Variants in PLSCR1 observed in about 807,000 individuals in gnomAD.
The protein encoded by PLSCR1 is phospholipid scramblase 1, also known as PL scramblase 1.
A neutral mutation model predicts 37.8 loss-of-function variants in PLSCR1; 17 were observed. That is an observed-to-expected ratio of 0.45 (90% CI 0.31 to 0.68). The LOEUF (loss-of-function observed/expected upper bound fraction) is 0.68, where lower values mean the gene tolerates loss of function less well. PLSCR1 is among the 30% of genes least tolerant of loss of function. The pLI, the probability that PLSCR1 is intolerant of heterozygous loss-of-function variation, is 0.06. For missense variants in PLSCR1, 347 were observed against 380.9 expected, an observed-to-expected ratio of 0.91 and a Z score of 0.74; for synonymous variants, 116 against 125.9, an observed-to-expected ratio of 0.92 and a Z score of 0.53.
In PLSCR1 at chr3:146,515,624, T is replaced by C. The variant is rs1198056636; in HGVS notation, c.*421A>G. 6.5e-6 allele frequency: 1 copy of C among 152,768 alleles called. No homozygotes were observed. Among genetic ancestry groups the C allele is most frequent in the Non-Finnish European group, 1.5e-5 (1 of 68,524 alleles). The allele number at this position is 152,768 out of a possible 1,614,324, so 9.5% of individuals were successfully genotyped here. ...AACATAATAGTAAAGAAAATTATCT[T>C]TGAGCTTTTTTGAATATATGGCATT... is the stretch of plus-strand genomic sequence containing the variant. On this transcript the variant is annotated 3_prime_UTR_variant, in exon 9 of 9. Transcript: ENST00000342435.
intron 4 of PLSCR1, among the ~76,000 whole-genome samples, chr3:146,527,710 C>T (rs62272756): frequency 0.12 from 18,869 of 152,082 alleles, 1,468 homozygotes; most frequent in Non-Finnish European, 0.18. Flanking sequence ...ACCAAAAATT[C>T]CTATGATTAT....
intron 1 of PLSCR1, among the ~76,000 whole-genome samples, chr3:146,537,032 A>T (rs1033752281): frequency 1.3e-5 from 2 of 152,156 alleles, no homozygotes; most frequent in Admixed American, 6.5e-5. Flanking sequence ...AGGTCACACT[A>T]CTGCAATTAT....
intron 1 of PLSCR1, among the ~76,000 whole-genome samples, chr3:146,543,938 T>C (rs921285769): frequency 6.6e-6 from 1 of 152,120 alleles, no homozygotes; most frequent in East Asian, 1.9e-4. Flanking sequence ...CTATCTTTCC[T>C]AAGCTGGTAT....
intron 3 of PLSCR1, among the ~76,000 whole-genome samples, chr3:146,530,058 G>A (rs990836672): frequency 2.0e-5 from 3 of 152,166 alleles, no homozygotes; most frequent in African/African-American, 7.2e-5. Context: ...AACAGTAAAT[G>A]TACTTCATAT....
At chr3:146,538,234 A>G (rs1272180920) in intron 1 of PLSCR1, among the ~76,000 whole-genome samples, 1 of 152,218 alleles carries the variant, frequency 6.6e-6, no homozygotes, top group East Asian at 1.9e-4. Context: ...ACATGTAACC[A>G]AAGTAGACTA....
At chr3:146,525,465 C>T (rs1290273113) in intron 5 of PLSCR1, 140 bp downstream of exon 5, 8 of 584,216 alleles carry the variant, frequency 1.4e-5, no homozygotes, top group Non-Finnish European at 2.5e-5. Context: ...AAATGAATTG[C>T]TGATAACATT....
chr3:146,524,479 T>A (rs554435894), intron 5 of PLSCR1, among the ~76,000 whole-genome samples: 1 of 151,836 alleles, frequency 6.6e-6, no homozygotes, highest in Non-Finnish European at 1.5e-5. Context: ...ATAAGCATAA[T>A]TAAAAACTGT....
chr3:146,524,207 GC>G (rs1162641773), intron 5 of PLSCR1, among the ~76,000 whole-genome samples: 6 of 152,162 alleles, frequency 3.9e-5, no homozygotes, highest in African/African-American at 1.4e-4. Context: ...AAAATCTCCA[GC>G]TTATTTGTAA....
At chr3:146,516,892 G>T in intron 8 of PLSCR1, 114 bp downstream of exon 8, 1 of 748,666 alleles carries the variant, frequency 1.3e-6, no homozygotes, top group Non-Finnish European at 2.2e-6. Flanking sequence ...TGGGAATCCT[G>T]ATTTAAAATC....
At chr3:146,532,620 A>C (rs1459669891) in intron 3 of PLSCR1, among the ~76,000 whole-genome samples, 2 of 152,204 alleles carry the variant, frequency 1.3e-5, no homozygotes, top group Non-Finnish European at 1.5e-5. Context: ...GCTCCTAAGC[A>C]CATTTGTTTA....
intron 4 of PLSCR1, chr3:146,528,025 A>G (rs770825313): frequency 1.3e-5 from 2 of 152,218 alleles, no homozygotes; most frequent in Non-Finnish European, 2.9e-5. Flanking sequence ...ATGCAGTTTT[A>G]TTAGTTACAA....
chr3:146,517,040 A>G lies in PLSCR1; in HGVS notation c.866T>C (p.Met289Thr). The change falls in exon 8 of 9, where the codon ATG (methionine) becomes ACG (threonine). Residue 289 changes from methionine to threonine, a missense_variant. Transcript: ENST00000342435. ...IQFPLDLDVK[M>T]KAVMIGACFL... ...ACAGGCACCAATCATTACAGCTTTC[A>G]TTTTAACATCAAGGTCTAAAGGGAA... The G allele has an allele frequency of 6.3e-7, 1 of 1,599,350 alleles. No homozygotes were observed. The highest frequency in any genetic ancestry group is 8.5e-7 in the Non-Finnish European group (1 of 1,173,832).
At chr3:146,539,379 C>T (rs1399497795) in intron 1 of PLSCR1, among the ~76,000 whole-genome samples, 1 of 152,188 alleles carries the variant, frequency 6.6e-6, no homozygotes, top group African/African-American at 2.4e-5. Context: ...TGCTCACTCT[C>T]CAGCTGCTCA....
intron 5 of PLSCR1, among the ~76,000 whole-genome samples, 171 bp from the exon 6 acceptor site, chr3:146,522,224 GGA>G (rs2044033284): frequency 6.6e-6 from 1 of 151,416 alleles, no homozygotes; most frequent in Admixed American, 6.6e-5. Flanking sequence ...GCAAAAAAAA[GGA>G]GAGATTACCA....
At chr3:146,526,498 T>C (rs1337648817) in intron 4 of PLSCR1, among the ~76,000 whole-genome samples, 1 of 152,172 alleles carries the variant, frequency 6.6e-6, no homozygotes, top group African/African-American at 2.4e-5. Flanking sequence ...ATCCCACTAC[T>C]GTTTTTTTTG....
intron 5 of PLSCR1, among the ~76,000 whole-genome samples, chr3:146,523,122 G>T (rs1435829032): frequency 6.6e-6 from 1 of 152,094 alleles, no homozygotes; most frequent in South Asian, 2.1e-4. Context: ...CAGTCCCCTG[G>T]GCCCATTTTT....
intron 3 of PLSCR1, among the ~76,000 whole-genome samples, chr3:146,529,886 C>A (rs2044172679): frequency 6.6e-6 from 1 of 152,054 alleles, no homozygotes; most frequent in Admixed American, 6.6e-5. Flanking sequence ...ATGTTTTAAT[C>A]CATAATGTAT....
chr3:146,522,077 A>T (rs781613370), intron 5 of PLSCR1, 24 bp from the exon 6 acceptor site: 3 of 1,225,380 alleles, frequency 2.4e-6, no homozygotes, highest in Admixed American at 1.7e-5. Flanking sequence ...AGACGAAATC[A>T]TAATCACCTC....
intron 2 of PLSCR1, among the ~76,000 whole-genome samples, chr3:146,536,147 G>A (rs761716122): frequency 2.0e-5 from 3 of 152,082 alleles, no homozygotes; most frequent in Non-Finnish European, 4.4e-5. Flanking sequence ...AATATACATT[G>A]AGGTGTGTAT....
Sources: gnomAD v4.1 joint callset for allele counts (sites outside exome capture counted in the v4.1 genomes callset) on GRCh38, gnomAD v4.1.1 for gene constraint, MANE v1.5 for transcripts, NCBI Gene and HGNC (gene_info 2026-07-23, HGNC 2026-07-21) for gene names.